The following H2AZ2 variants were observed in gnomAD, a reference collection of about 807,000 sequenced individuals.
H2AZ2 encodes histone H2A.V.
A neutral mutation model predicts 15.5 loss-of-function variants in H2AZ2; 5 were observed. That is an observed-to-expected ratio of 0.32 (90% CI 0.17 to 0.68). H2AZ2 has a LOEUF of 0.68. Among genes scored for constraint, H2AZ2 ranks in the 30% least tolerant of loss-of-function variants. The pLI is 0.72. For missense variants in H2AZ2, 42 were observed against 162.5 expected (o/e 0.26, Z 4.03); for synonymous variants, 44 against 57.4 (o/e 0.77, Z 1.05).
At chr7:44,847,856 C>G in intron 1 of H2AZ2, 113 bp downstream of exon 1, 2 of 1,425,154 alleles carry the variant, frequency 1.4e-6, no homozygotes, top group Non-Finnish European at 1.9e-6. Flanking sequence ...CTCGGCCGGA[C>G]GAAGCCCAGA....
chr7:44,834,244 T>TG lies in H2AZ2; in HGVS notation c.*256dup, dbSNP rs779829251. On this transcript the variant is annotated 3_prime_UTR_variant, in exon 5 of 5. Transcript: ENST00000308153. ...TGAGACAAATTAATTTTGTAAAAAA[T>TG]GGTTTATCAATTCCATTTTTGTATA... 1.4e-5 allele frequency: 17 copies of TG among 1,226,940 alleles called. No homozygotes were observed. Among genetic ancestry groups the TG allele is most frequent in the Non-Finnish European group, 1.6e-5 (16 of 981,014 alleles). 76.0% of individuals were successfully genotyped at this position (1,226,940 alleles called of 1,614,324 possible).
At chr7:44,837,433 G>GAAAAA in intron 3 of H2AZ2, among the ~76,000 whole-genome samples, 1 of 87,270 alleles carries the variant, frequency 1.1e-5, no homozygotes. Flanking sequence ...AAAAAAAAAA[G>GAAAAA]AAAAAAAAAA....
chr7:44,843,009 C>T (rs1793309220), intron 2 of H2AZ2, among the ~76,000 whole-genome samples: 1 of 151,556 alleles, frequency 6.6e-6, no homozygotes, highest in Non-Finnish European at 1.5e-5. Context: ...TATGGTGGCG[C>T]ACGCCTGCAG....
chr7:44,848,054 C>T lies in H2AZ2; in HGVS notation c.-83G>A, dbSNP rs1174446454. 4 of 862,812 alleles carry T rather than the reference C, an allele frequency of 4.6e-6. No individual in the cohort carries two copies. The highest frequency in any genetic ancestry group is 6.1e-6 in the Non-Finnish European group (4 of 653,236). 53.4% of individuals were successfully genotyped at this position (862,812 alleles called of 1,614,324 possible). A position where few individuals can be genotyped will look rare whatever the true frequency, so the allele number is the denominator to read the frequency against. ...GCCGCCGCCGCCGCTCTCGCAGCAC[C>T]GACCGCCGCCGCCGGAGCCGGACAA... is the stretch of plus-strand genomic sequence containing the variant. On this transcript the variant is annotated 5_prime_UTR_variant, in exon 1 of 5. Transcript: ENST00000308153.
chr7:44,830,116 G>A (rs371353341), downstream of H2AZ2: 24 of 1,611,980 alleles, frequency 1.5e-5, no homozygotes, highest in Middle Eastern at 1.6e-4. Flanking sequence ...AAACCTTGCC[G>A]TCACCTAATA....
intron 1 of H2AZ2, among the ~76,000 whole-genome samples, chr7:44,847,352 G>C (rs907594199): frequency 6.6e-6 from 1 of 152,092 alleles, no homozygotes; most frequent in Non-Finnish European, 1.5e-5. Flanking sequence ...CCATAGCAAG[G>C]GCAAAGGAAA....
At chr7:44,837,925 A>G (rs1209090066) in intron 3 of H2AZ2, among the ~76,000 whole-genome samples, 2 of 151,950 alleles carry the variant, frequency 1.3e-5, no homozygotes, top group Admixed American at 6.6e-5. Flanking sequence ...ATATTTTAAT[A>G]TATCTATGTG....
At chr7:44,830,102 A>G, downstream of H2AZ2, 2 of 1,607,944 alleles carry the variant, frequency 1.2e-6, no homozygotes, top group South Asian at 1.1e-5. Context: ...CCACTAAATC[A>G]GCAAAACCTT....
intron 3 of H2AZ2, 135 bp from the exon 4 acceptor site, chr7:44,835,793 T>C: frequency 4.2e-6 from 3 of 714,900 alleles, no homozygotes; most frequent in Non-Finnish European, 6.3e-6. Context: ...TGTATTTCTA[T>C]AATGCTTTTA....
chr7:44,839,994 C>A (rs1047348159), intron 3 of H2AZ2, among the ~76,000 whole-genome samples: 1 of 144,168 alleles, frequency 6.9e-6, no homozygotes, highest in Non-Finnish European at 1.5e-5. Flanking sequence ...AGAGCAAGAC[C>A]CTGTCTCAAA....
chr7:44,841,487 C>A (rs1793274294), intron 2 of H2AZ2, among the ~76,000 whole-genome samples: 1 of 152,078 alleles, frequency 6.6e-6, no homozygotes, highest in Non-Finnish European at 1.5e-5. Context: ...TTCAAAGTAT[C>A]CTGATCCCAC....
chr7:44,838,013 C>T (rs1025472456), intron 3 of H2AZ2, among the ~76,000 whole-genome samples: 1 of 151,954 alleles, frequency 6.6e-6, no homozygotes, highest in Non-Finnish European at 1.5e-5. Context: ...GTTCTGTCGC[C>T]AGGCTGGAGT....
At position 44,843,370 on chromosome 7, in the gene H2AZ2, A is replaced by C. The variant is rs747847246; in HGVS notation, c.4-16T>G. On this transcript the variant is annotated splice_polypyrimidine_tract_variant and intron_variant, in intron 1 of 4. Coordinates refer to ENST00000308153, the MANE Select transcript of H2AZ2 (RefSeq NM_012412.5). ...TGCCTCCAGCCTAAATGCAAAAAAA[A>C]ATTTTTTTGAATGAAAAGAGTTGAA... 3.8e-6 allele frequency: 6 copies of C among 1,579,672 alleles called. No individual in the cohort carries two copies. The highest frequency in any genetic ancestry group is 1.8e-5 in the Admixed American group (1 of 56,012).
At chr7:44,836,351 T>G (rs1793122573) in intron 3 of H2AZ2, among the ~76,000 whole-genome samples, 1 of 152,092 alleles carries the variant, frequency 6.6e-6, no homozygotes, top group African/African-American at 2.4e-5. Context: ...TTAGAAGTTT[T>G]CAAATGTATT....
Position 44,832,924 on chromosome 7 carries a change from T to C in H2AZ2, c.*1577A>G, listed in dbSNP as rs900868578. 1.3e-5 allele frequency among the ~76,000 whole-genome samples: 2 copies of C among 152,128 alleles called. No individual in the cohort carries two copies. The highest frequency in any genetic ancestry group is 2.4e-5 in the African/African-American group (1 of 41,416). On this transcript the variant is annotated 3_prime_UTR_variant, in exon 5 of 5. Coordinates refer to ENST00000308153, the MANE Select transcript of H2AZ2 (RefSeq NM_012412.5). ...AGGATCATGCCACTGCACTTCAACC[T>C]GGGCAAAAGAGCAAGAGCCTGTCTC...
rs1340016469 is a variant in H2AZ2 at position 44,832,812 on chromosome 7, T to C, written c.*1689A>G. 6.6e-6 allele frequency among the ~76,000 whole-genome samples: 1 copy of C among 152,006 alleles called. No homozygotes were observed. Among genetic ancestry groups the C allele is most frequent in the Non-Finnish European group, 1.5e-5 (1 of 67,974 alleles). ...ATAAATAAAAAAAATTAGCCAGGTATGGTGGCATGTGCCTGTGGTCCCAGC... is the reference window on the plus strand; with the variant it reads ...ATAAATAAAAAAAATTAGCCAGGTACGGTGGCATGTGCCTGTGGTCCCAGC... On this transcript the variant is annotated 3_prime_UTR_variant, in exon 5 of 5. Coordinates refer to ENST00000308153, the MANE Select transcript of H2AZ2 (RefSeq NM_012412.5).
intron 4 of H2AZ2, 53 bp downstream of exon 4, chr7:44,835,476 A>T (rs749311180): frequency 1.5e-5 from 23 of 1,511,292 alleles, no homozygotes; most frequent in Non-Finnish European, 1.9e-5. Context: ...GATCTGAACG[A>T]TATATTAGTC....
chr7:44,840,822 T>C (rs748747529), intron 3 of H2AZ2, 77 bp downstream of exon 3: 2 of 942,816 alleles, frequency 2.1e-6, no homozygotes, highest in Non-Finnish European at 3.3e-6. Flanking sequence ...TTTTTTCAAA[T>C]ATATTCCATG....
intron 1 of H2AZ2, among the ~76,000 whole-genome samples, chr7:44,844,399 T>G (rs761556699): frequency 1.3e-5 from 2 of 152,136 alleles, no homozygotes; most frequent in Admixed American, 6.5e-5. Context: ...AATAGTAAAG[T>G]TCATGGTCAG....
Sources: gnomAD v4.1 joint callset for allele counts (sites outside exome capture counted in the v4.1 genomes callset) on GRCh38, gnomAD v4.1.1 for gene constraint, MANE v1.5 for transcripts, NCBI Gene and HGNC (gene_info 2026-07-23, HGNC 2026-07-21) for gene names.